Variants in LRP1B observed in about 807,000 individuals in gnomAD.
The protein encoded by LRP1B is LDL receptor related protein 1B, also known as low-density lipoprotein receptor-related protein 1B.
In LRP1B, 217 loss-of-function variants were observed where a neutral mutation model predicts 556.6. The ratio of observed to expected loss-of-function variants is 0.39; its 90% CI spans 0.35 to 0.44. LRP1B has a LOEUF of 0.44. Ranked by LOEUF, LRP1B falls within the 20% of genes least tolerant of loss-of-function variation. The pLI is 1.00. For missense variants in LRP1B, 5,053 were observed against 5,620.8 expected (o/e 0.90, Z 3.23); for synonymous variants, 2,047 against 1,865.8 (o/e 1.10, Z -2.50).
intron 2 of LRP1B, among the ~76,000 whole-genome samples, chr2:141,630,981 C>T (rs1420143151): frequency 1.3e-5 from 2 of 152,178 alleles, no homozygotes; most frequent in East Asian, 3.9e-4. Flanking sequence ...TAATCATCTC[C>T]TATTGCATTA....
chr2:140,498,244 AT>A (rs1439741677), intron 55 of LRP1B, among the ~76,000 whole-genome samples: 1 of 151,814 alleles, frequency 6.6e-6, no homozygotes, highest in Non-Finnish European at 1.5e-5. Flanking sequence ...AGTTACATTA[AT>A]TTTTATAAGA....
At chr2:141,416,288 G>C (rs1479476060) in intron 3 of LRP1B, among the ~76,000 whole-genome samples, 2 of 152,064 alleles carry the variant, frequency 1.3e-5, no homozygotes, top group African/African-American at 4.8e-5. Flanking sequence ...CATGAGGTAA[G>C]TGACCTTGGC....
intron 60 of LRP1B, among the ~76,000 whole-genome samples, chr2:140,472,107 C>A (rs1687795687): frequency 6.6e-6 from 1 of 152,142 alleles, no homozygotes; most frequent in African/African-American, 2.4e-5. Context: ...TCTTTACCTG[C>A]ATATTTGTTT....
intron 3 of LRP1B, among the ~76,000 whole-genome samples, chr2:141,402,400 A>G (rs1045030726): frequency 2.0e-5 from 3 of 152,110 alleles, no homozygotes; most frequent in Non-Finnish European, 2.9e-5. Context: ...ATGTATTTGG[A>G]CCAAAATATT....
At chr2:141,199,824 G>A (rs1681921145) in intron 6 of LRP1B, among the ~76,000 whole-genome samples, 1 of 152,108 alleles carries the variant, frequency 6.6e-6, no homozygotes, top group African/African-American at 2.4e-5. Flanking sequence ...ATGAAAAAGA[G>A]CTCAACATCA....
chr2:140,766,748 T>A (rs1338720871), intron 35 of LRP1B, among the ~76,000 whole-genome samples: 1 of 148,178 alleles, frequency 6.7e-6, no homozygotes, highest in Non-Finnish European at 1.5e-5. Flanking sequence ...AAACATAATA[T>A]CAGTTGAGAG....
chr2:142,004,706 C>T (rs984368451), intron 1 of LRP1B, among the ~76,000 whole-genome samples: 2 of 151,406 alleles, frequency 1.3e-5, no homozygotes, highest in Admixed American at 6.6e-5. Flanking sequence ...ATTAGCTGGG[C>T]GTGGTAGAAG....
chr2:141,843,902 T>C (rs1349656641), intron 1 of LRP1B, among the ~76,000 whole-genome samples: 12 of 152,070 alleles, frequency 7.9e-5, no homozygotes, highest in Admixed American at 7.9e-4. Context: ...ACCCAGCAAA[T>C]GCTTTACCCA....
At chr2:140,907,651 C>T (rs1573866352) in intron 22 of LRP1B, among the ~76,000 whole-genome samples, 1 of 151,974 alleles carries the variant, frequency 6.6e-6, no homozygotes, top group African/African-American at 2.4e-5. Context: ...TAAGTAACTT[C>T]GATATAGGCT....
chr2:140,437,252 T>C (rs1573938283), intron 66 of LRP1B, among the ~76,000 whole-genome samples: 2 of 152,178 alleles, frequency 1.3e-5, no homozygotes, highest in South Asian at 2.1e-4. Flanking sequence ...AGGTCCTTTC[T>C]CCTTTCCAGC....
At chr2:141,576,732 C>A (rs1686762262) in intron 2 of LRP1B, among the ~76,000 whole-genome samples, 1 of 137,664 alleles carries the variant, frequency 7.3e-6, no homozygotes, top group Admixed American at 7.9e-5. Flanking sequence ...CCAGCCTAGG[C>A]AGCAGAGTGA....
intron 1 of LRP1B, among the ~76,000 whole-genome samples, chr2:142,114,762 G>C (rs1415491959): frequency 2.0e-5 from 3 of 152,062 alleles, no homozygotes; most frequent in Admixed American, 6.6e-5. Context: ...AGGTGTGCTA[G>C]GGTGGGAAAT....
At position 140,868,226 on chromosome 2, in the gene LRP1B, G is replaced by A. The variant is rs373336223; in HGVS notation, c.4207C>T (p.Arg1403Cys). 14 of 1,585,224 alleles carry A rather than the reference G, an allele frequency of 8.8e-6. No homozygotes were observed. The highest frequency in any genetic ancestry group is 3.5e-5 in the Admixed American group (2 of 56,808). ...FWTDWDANFP[R>C]IESASMSGAG... ...CCACTCATAGAGGCAGATTCAATGC[G>A]AGGAAAATTTGCATCCCAGTCTGTC... The change falls in exon 26 of 91, where the codon CGC becomes TGC. Residue 1403 changes from arginine to cysteine, a missense_variant. Physicochemically the swap from Arg to Cys is radical, Grantham distance 180. Around this residue, in one of 5 missense-constraint regions of LRP1B, gnomAD observed 3,619 missense variants for 3,931.9 expected, o/e 0.92. Transcript: ENST00000389484.
intron 2 of LRP1B, among the ~76,000 whole-genome samples, chr2:141,750,072 T>C (rs1194792111): frequency 6.6e-6 from 1 of 152,148 alleles, no homozygotes; most frequent in Non-Finnish European, 1.5e-5. Context: ...ATAATGTCTT[T>C]ATGGTTTTTA....
chr2:141,690,396 A>AATATATATATATATAT (rs762453747), intron 2 of LRP1B, among the ~76,000 whole-genome samples: 5 of 26,916 alleles, frequency 1.9e-4, no homozygotes, highest in Non-Finnish European at 3.1e-4. Flanking sequence ...TACATCTATA[A>AATATATATATATATAT]ATATATATAT....
chr2:140,475,930 C>T (rs1270609379), intron 59 of LRP1B, among the ~76,000 whole-genome samples: 1 of 151,920 alleles, frequency 6.6e-6, no homozygotes, highest in Non-Finnish European at 1.5e-5. Flanking sequence ...TATCTAACAG[C>T]ATAAATATGG....
chr2:141,439,925 T>C (rs1414022413), intron 3 of LRP1B, among the ~76,000 whole-genome samples: 1 of 152,206 alleles, frequency 6.6e-6, no homozygotes, highest in East Asian at 1.9e-4. Flanking sequence ...AAGAAAAGTT[T>C]TGTTTTTATT....
chr2:141,304,273 T>C (rs1558992635), intron 3 of LRP1B, among the ~76,000 whole-genome samples: 3 of 152,044 alleles, frequency 2.0e-5, no homozygotes, highest in South Asian at 4.1e-4. Flanking sequence ...ATTTAATATG[T>C]CCTGTGTACC....
At chr2:141,897,155 A>C (rs1437581069) in intron 1 of LRP1B, among the ~76,000 whole-genome samples, 2 of 152,210 alleles carry the variant, frequency 1.3e-5, no homozygotes, top group African/African-American at 4.8e-5. Context: ...TAGGTCAGAA[A>C]AAGTCCAAAA....
Sources: gnomAD v4.1 joint callset for allele counts (sites outside exome capture counted in the v4.1 genomes callset) on GRCh38, gnomAD v4.1.1 for gene constraint, gnomAD v4.1.1 regional missense constraint, MANE v1.5 for transcripts, NCBI Gene and HGNC (gene_info 2026-07-23, HGNC 2026-07-21) for gene names.